Variants in ARID5B observed in about 807,000 individuals in gnomAD.
ARID5B encodes AT-rich interaction domain 5B, also known as AT-rich interactive domain-containing protein 5B.
A neutral mutation model predicts 97.2 loss-of-function variants in ARID5B; 13 were observed. The ratio of observed to expected loss-of-function variants is 0.13; its 90% CI spans 0.09 to 0.21. The LOEUF (loss-of-function observed/expected upper bound fraction) is 0.21, where lower values mean the gene tolerates loss of function less well. ARID5B is among the 10% of genes least tolerant of loss of function. ARID5B has a pLI of 1.00. For synonymous variants in ARID5B, 556 were observed against 570.3 expected, an observed-to-expected ratio of 0.97 and a Z score of 0.36; for missense variants, 1,210 against 1,465.3, an observed-to-expected ratio of 0.83 and a Z score of 2.84.
intron 3 of ARID5B, among the ~76,000 whole-genome samples, chr10:61,951,013 C>T (rs1385256148): frequency 6.6e-6 from 1 of 152,146 alleles, no homozygotes; most frequent in African/African-American, 2.4e-5. Context: ...TTCTTTTGAA[C>T]AGTTTGTTTA....
intron 4 of ARID5B, among the ~76,000 whole-genome samples, chr10:62,008,875 C>T (rs777750010): frequency 6.6e-6 from 1 of 152,142 alleles, no homozygotes; most frequent in Non-Finnish European, 1.5e-5. Flanking sequence ...TACACCTCTC[C>T]GTGATTTTCT....
chr10:61,968,547 G>T (rs533114498), intron 3 of ARID5B, among the ~76,000 whole-genome samples: 110 of 151,888 alleles, frequency 7.2e-4, no homozygotes, highest in Non-Finnish European at 1.2e-3. Flanking sequence ...CCCTTTCAAG[G>T]TATCCTATTT....
intron 2 of ARID5B, among the ~76,000 whole-genome samples, chr10:61,923,337 C>T (rs1443912659): frequency 2.6e-5 from 4 of 152,170 alleles, no homozygotes; most frequent in Non-Finnish European, 5.9e-5. Flanking sequence ...GTCATCCCCG[C>T]TTCCACCCCT....
intron 4 of ARID5B, chr10:62,046,919 G>C (rs529318075): frequency 2.0e-5 from 3 of 152,362 alleles, no homozygotes; most frequent in South Asian, 4.1e-4. Context: ...TAGTACTTGA[G>C]TGTTTTCATT....
intron 3 of ARID5B, among the ~76,000 whole-genome samples, chr10:61,973,422 A>G (rs1382370131): frequency 6.6e-6 from 1 of 152,226 alleles, no homozygotes; most frequent in Non-Finnish European, 1.5e-5. Flanking sequence ...GGAGTTCATT[A>G]TGAAATCACT....
intron 2 of ARID5B, among the ~76,000 whole-genome samples, chr10:61,921,429 G>A (rs1844013360): frequency 6.6e-6 from 1 of 152,208 alleles, no homozygotes; most frequent in African/African-American, 2.4e-5. Context: ...CTGTTGGACT[G>A]AGGCCCTCAG....
chr10:61,902,031 C>T, intron 1 of ARID5B, 128 bp from the exon 2 acceptor site: 1 of 1,153,354 alleles, frequency 8.7e-7, no homozygotes, highest in Non-Finnish European at 1.2e-6. Flanking sequence ...TATTTTTCCA[C>T]CCAGCGTTAT....
chr10:61,904,639 G>A (rs1304785508), intron 2 of ARID5B, among the ~76,000 whole-genome samples: 1 of 152,090 alleles, frequency 6.6e-6, no homozygotes, highest in Non-Finnish European at 1.5e-5. Flanking sequence ...CATATACATC[G>A]TCTAATATTA....
At chr10:62,018,147 A>G (rs1397359595) in intron 4 of ARID5B, among the ~76,000 whole-genome samples, 4 of 152,236 alleles carry the variant, frequency 2.6e-5, no homozygotes, top group African/African-American at 7.2e-5. Context: ...TTTTATTATC[A>G]GGGACAGAGG....
chr10:61,907,233 ATT>A (rs36040309), intron 2 of ARID5B, among the ~76,000 whole-genome samples: 2 of 151,336 alleles, frequency 1.3e-5, no homozygotes, highest in East Asian at 1.9e-4. Flanking sequence ...GATCAGCAGG[ATT>A]TTTTTTTTCA....
At position 61,973,852 on chromosome 10, in the gene ARID5B, T is replaced by A. The variant is rs10740056; in HGVS notation, c.503-26239T>A. On this transcript the variant is annotated intron_variant, in intron 3 of 9. Coordinates refer to ENST00000279873, the MANE Select transcript of ARID5B (RefSeq NM_032199.3). ...GGTTGATTTATTATTACAAATAGTT[T>A]GAAGATGTAAGATGCTTTTACAGTG... Among the ~76,000 whole-genome samples the A allele has an allele frequency of 3.1e-3, 472 of 152,354 alleles. 3 individuals carry two copies. The highest frequency in any genetic ancestry group is 6.8e-3 in the Middle Eastern group (2 of 294).
At chr10:61,992,019 C>T (rs1248641160) in intron 3 of ARID5B, among the ~76,000 whole-genome samples, 1 of 150,710 alleles carries the variant, frequency 6.6e-6, no homozygotes, top group East Asian at 1.9e-4. Flanking sequence ...GCAACAATAG[C>T]GAAACTCTGT....
chr10:61,933,321 G>A (rs557104572), intron 2 of ARID5B, among the ~76,000 whole-genome samples: 6 of 152,162 alleles, frequency 3.9e-5, no homozygotes, highest in East Asian at 3.9e-4. Flanking sequence ...CCTGAAAGTC[G>A]TCACCTATGA....
chr10:62,077,774 T>C (rs1840157511), intron 8 of ARID5B, among the ~76,000 whole-genome samples: 2 of 152,204 alleles, frequency 1.3e-5, no homozygotes, highest in Non-Finnish European at 2.9e-5. Context: ...TGATTTTCTG[T>C]CCTCAGGGTT....
rs1840431306 is a variant in ARID5B, at chr10:62,094,181, A to G, written c.*1151A>G. ...ATTTCAGAAATTAGAACAGGAGCCA[A>G]AATGATTTACATTGGCGTTGGCACT... is the stretch of plus-strand genomic sequence containing the variant. On this transcript the variant is annotated 3_prime_UTR_variant, in exon 10 of 10. Transcript: ENST00000279873. The G allele has an allele frequency of 4.3e-6, 1 of 232,858 alleles. No homozygotes were observed. The highest frequency in any genetic ancestry group is 2.2e-5 in the African/African-American group (1 of 45,356). The allele number at this position is 232,858 out of a possible 1,614,324, so 14.4% of individuals were successfully genotyped here.
intron 4 of ARID5B, among the ~76,000 whole-genome samples, chr10:62,015,065 T>C (rs1330291570): frequency 1.3e-5 from 2 of 152,240 alleles, no homozygotes; most frequent in African/African-American, 4.8e-5. Flanking sequence ...TTCATGAAAA[T>C]ATGAAAATAA....
At chr10:62,042,231 A>T (rs1180958532) in intron 4 of ARID5B, among the ~76,000 whole-genome samples, 2 of 152,238 alleles carry the variant, frequency 1.3e-5, no homozygotes, top group Non-Finnish European at 2.9e-5. Flanking sequence ...TTTCAAAGTC[A>T]TAAGAAAAAA....
intron 3 of ARID5B, among the ~76,000 whole-genome samples, chr10:61,997,333 A>G (rs1589251757): frequency 6.6e-6 from 1 of 152,092 alleles, no homozygotes; most frequent in Non-Finnish European, 1.5e-5. Flanking sequence ...GACTCCATCC[A>G]GAACAGAGAA....
intron 3 of ARID5B, among the ~76,000 whole-genome samples, chr10:61,985,967 A>T (rs535863579): frequency 6.6e-6 from 1 of 152,188 alleles, no homozygotes; most frequent in South Asian, 2.1e-4. Flanking sequence ...TGAACACAAG[A>T]CTGGAAGAGA....
Sources: allele counts gnomAD v4.1 joint callset (sites outside exome capture counted in the v4.1 genomes callset), GRCh38; gene constraint gnomAD v4.1.1; transcripts MANE v1.5; gene names NCBI Gene and HGNC (gene_info 2026-07-23, HGNC 2026-07-21).